Variants in RSRP1 observed in about 807,000 individuals in gnomAD.
RSRP1 encodes the protein arginine/serine-rich protein 1.
Under a neutral mutation model 33.0 loss-of-function variants are expected in RSRP1, and 37 were observed. The ratio of observed to expected loss-of-function variants is 1.12; its 90% CI spans 0.86 to 1.48. RSRP1 has a LOEUF of 1.48. RSRP1 is among the 40% of genes most tolerant of loss of function. The pLI, the probability that RSRP1 is intolerant of heterozygous loss-of-function variation, is 0.00. For synonymous variants in RSRP1, 167 were observed against 158.7 expected (o/e 1.05, Z -0.40); for missense variants, 402 against 385.3 (o/e 1.04, Z -0.36).
intron 4 of RSRP1, 78 bp from the exon 5 acceptor site, chr1:25,242,783 TC>T: frequency 1.0e-6 from 1 of 1,001,750 alleles, no homozygotes; most frequent in Non-Finnish European, 1.5e-6. Flanking sequence ...CATTAAATAA[TC>T]CCATGTATGA....
Position 25,245,377 on chromosome 1 carries a change from A to G in RSRP1, c.521-76T>C, listed in dbSNP as rs185536321. 8.9e-5 allele frequency: 130 copies of G among 1,468,662 alleles called. 1 individual carries two copies. In the Admixed American group the frequency reaches 2.7e-3, roughly 31 times the overall value. 91.0% of individuals were successfully genotyped at this position (1,468,662 alleles called of 1,614,324 possible). A position where few individuals can be genotyped will look rare whatever the true frequency, so the allele number is the denominator to read the frequency against. ...TTCCCAAGAGAACTCAGAATTACAC[A>G]ATAAATATGTTATTTTGTGGTATTA... is the stretch of plus-strand genomic sequence containing the variant. On this transcript the variant is annotated intron_variant, in intron 2 of 4. Transcript: ENST00000243189.
At chr1:25,277,470 T>G (rs676052) in intron 1 of RSRP1, among the ~76,000 whole-genome samples, 16,072 of 126,616 alleles carry the variant, frequency 0.13, 3,619 homozygotes, top group African/African-American at 0.42. Context: ...CAAGCCCTCT[T>G]GGTGATTCTT....
intron 1 of RSRP1, among the ~76,000 whole-genome samples, chr1:25,276,431 A>C (rs1302979138): frequency 8.1e-6 from 1 of 123,332 alleles, no homozygotes; most frequent in African/African-American, 2.9e-5. Context: ...AAAAAAAAAA[A>C]CACCCTGGCT....
chr1:25,275,399 G>A lies in RSRP1; in HGVS notation c.-66-28370C>T, dbSNP rs538424957. 6.0e-4 allele frequency among the ~76,000 whole-genome samples: 80 copies of A among 132,412 alleles called. 10 individuals carry two copies. In the South Asian group the frequency reaches 0.015, roughly 25 times the overall value. The allele number at this position is 132,412 out of a possible 152,430, so 86.9% of individuals were successfully genotyped here. On this transcript the variant is annotated intron_variant, in intron 1 of 1. Coordinates refer to the RSRP1 transcript ENST00000561867. ...TGAGGTCCGAATAGTAAACAGCAGC[G>A]AGACAAGTTTGGGTTTGGGTCATGG...
intron 1 of RSRP1, among the ~76,000 whole-genome samples, chr1:25,255,607 A>G (rs903577256): frequency 2.0e-5 from 3 of 152,216 alleles, no homozygotes; most frequent in African/African-American, 7.2e-5. Flanking sequence ...ATTCAAGTGC[A>G]TTACATTTAT....
chr1:25,244,058 C>CT (rs1315352379), intron 3 of RSRP1: 18 of 1,055,896 alleles, frequency 1.7e-5, no homozygotes, highest in African/African-American at 3.8e-5. Flanking sequence ...TTAGATACAG[C>CT]ATTTTTTTTT....
At chr1:25,284,948 A>G (rs1276038349) in intron 1 of RSRP1, among the ~76,000 whole-genome samples, 1 of 135,154 alleles carries the variant, frequency 7.4e-6, no homozygotes, top group African/African-American at 2.6e-5. Context: ...CCTGTATTTT[A>G]CTGGACAGCC....
chr1:25,248,208 A>G (rs1639631929), upstream of RSRP1: 1 of 152,216 alleles, frequency 6.6e-6, no homozygotes, highest in African/African-American at 2.4e-5. Context: ...GAAGTCTGCG[A>G]TATCTCTTCC....
intron 1 of RSRP1, among the ~76,000 whole-genome samples, chr1:25,320,058 C>A (rs1252704077): frequency 7.6e-6 from 1 of 131,044 alleles, no homozygotes; most frequent in Non-Finnish European, 1.8e-5. Flanking sequence ...ACCACCACAC[C>A]CGGCTAATTT....
At chr1:25,250,441 G>T (rs1422201601), upstream of RSRP1, among the ~76,000 whole-genome samples, 1 of 152,178 alleles carries the variant, frequency 6.6e-6, no homozygotes, top group Non-Finnish European at 1.5e-5. Context: ...ACAAGGTAGG[G>T]TATCACAACA....
At chr1:25,267,814 C>T (rs555230265) in intron 1 of RSRP1, 1 of 131,216 alleles carries the variant, frequency 7.6e-6, no homozygotes, top group Admixed American at 7.4e-5. Flanking sequence ...ACTTCTCACG[C>T]CTACTCTCAA....
chr1:25,333,112 C>A lies in RSRP1; in HGVS notation c.-67+4866G>T, dbSNP rs1189936134. 4.5e-5 allele frequency among the ~76,000 whole-genome samples: 6 copies of A among 132,540 alleles called. No individual in the cohort carries two copies. The East Asian group carries it at 1.2e-3, about 26-fold the overall frequency. 87.0% of individuals were successfully genotyped at this position (132,540 alleles called of 152,430 possible). On this transcript the variant is annotated intron_variant, in intron 1 of 1. Coordinates refer to the RSRP1 transcript ENST00000561867. ...GCAGGAATGGAAGCGTGTATTCCAG[C>A]TCCAAGAGAGTAAGACCAATTTGCC...
In RSRP1 at chr1:25,318,676, ATG is replaced by A. The variant is rs1314600764; in HGVS notation, c.-67+19300_-67+19301del. Among the ~76,000 whole-genome samples, 25 of 133,124 alleles carry A rather than the reference ATG, an allele frequency of 1.9e-4. 4 individuals carry two copies. The highest frequency in any genetic ancestry group is 8.0e-4 in the Admixed American group (11 of 13,724). The allele number at this position is 133,124 out of a possible 152,430, so 87.3% of individuals were successfully genotyped here. A position where few individuals can be genotyped will look rare whatever the true frequency, so the allele number is the denominator to read the frequency against. On this transcript the variant is annotated intron_variant, in intron 1 of 1. Transcript: ENST00000561867. ...TCTTTTATTGGTTAGACACCCATAT[ATG>A]TGTCCCTAAGCAGGAGGTGAATGCC...
chr1:25,283,122 C>A (rs1641646379), intron 1 of RSRP1, among the ~76,000 whole-genome samples: 1 of 132,248 alleles, frequency 7.6e-6, no homozygotes, highest in South Asian at 2.3e-4. Context: ...TTGATTCTGG[C>A]AACCTAATGA....
intron 1 of RSRP1, among the ~76,000 whole-genome samples, chr1:25,283,614 G>T (rs1242431340): frequency 7.5e-6 from 1 of 133,248 alleles, no homozygotes; most frequent in African/African-American, 2.6e-5. Context: ...TCTGTAAAAT[G>T]GTGACAGTAA....
rs34867414 is a variant in RSRP1 at position 25,299,072 on chromosome 1, T to TAAA, written c.-67+38903_-67+38905dup. On this transcript the variant is annotated intron_variant, in intron 1 of 1. Transcript: ENST00000561867. ...GTTTAGAATTGTCAGCACATGGTGATAAAAAAAAAAAAAAAAAAAAAAAAA... is the reference window on the plus strand; with the variant it reads ...GTTTAGAATTGTCAGCACATGGTGATAAAAAAAAAAAAAAAAAAAAAAAAAAAA... 4.3e-3 allele frequency among the ~76,000 whole-genome samples: 176 copies of TAAA among 40,724 alleles called. 12 individuals are homozygous for TAAA. The highest frequency in any genetic ancestry group is 7.7e-3 in the African/African-American group (98 of 12,804). The allele number at this position is 40,724 out of a possible 152,430, so 26.7% of individuals were successfully genotyped here.
chr1:25,242,708 G>C lies in RSRP1; in HGVS notation c.757-3C>G. ...TGTATTGGCTTTGCTACAGAATTCTGTAAAAGAACAAATTCAGTCAGCTTC... is the reference window on the plus strand; with the variant it reads ...TGTATTGGCTTTGCTACAGAATTCTCTAAAAGAACAAATTCAGTCAGCTTC... On this transcript the variant is annotated splice_region_variant and splice_polypyrimidine_tract_variant and intron_variant, in intron 4 of 4. Transcript: ENST00000243189. 6.3e-7 allele frequency: 1 copy of C among 1,580,620 alleles called. No homozygotes were observed. Among genetic ancestry groups the C allele is most frequent in the Non-Finnish European group, 8.6e-7 (1 of 1,162,010 alleles).
At chr1:25,243,402 T>C (rs1302222982) in intron 4 of RSRP1, 148 bp downstream of exon 4, 4 of 1,032,332 alleles carry the variant, frequency 3.9e-6, no homozygotes, top group South Asian at 1.8e-5. Context: ...TGGCCACTTA[T>C]AAAAGTGGCT....
In RSRP1 at chr1:25,331,958, T is replaced by C. The variant is rs539454544; in HGVS notation, c.-67+6020A>G. ...GGTTTCACCATGTTAGCCAGGATGG[T>C]CTCAATCTCCTGACCTCGTGATCCA... On this transcript the variant is annotated intron_variant, in intron 1 of 1. Transcript: ENST00000561867. Among the ~76,000 whole-genome samples the C allele has an allele frequency of 9.9e-4, 126 of 127,692 alleles. 23 individuals carry two copies. The highest frequency in any genetic ancestry group is 4.2e-3 in the Middle Eastern group (1 of 238). The allele number at this position is 127,692 out of a possible 152,430, so 83.8% of individuals were successfully genotyped here. A position where few individuals can be genotyped will look rare whatever the true frequency, so the allele number is the denominator to read the frequency against.
Sources: gnomAD v4.1 joint callset for allele counts (sites outside exome capture counted in the v4.1 genomes callset) on GRCh38, gnomAD v4.1.1 for gene constraint, MANE v1.5 for transcripts, NCBI Gene and HGNC (gene_info 2026-07-23, HGNC 2026-07-21) for gene names.